GMDS: variants seen among roughly 807,000 people sequenced by gnomAD.
The protein encoded by GMDS is GDP-mannose 4,6-dehydratase, also known as GDP-mannose 4,6 dehydratase.
GMDS carries 20 observed loss-of-function variants against 49.9 expected under a neutral mutation model. The ratio of observed to expected loss-of-function variants is 0.40; its 90% CI spans 0.28 to 0.58. The LOEUF (loss-of-function observed/expected upper bound fraction) is 0.58. Among genes scored for constraint, GMDS ranks in the 20% least tolerant of loss-of-function variants. The pLI is 0.42. For missense variants in GMDS, 362 were observed against 481.4 expected (o/e 0.75, Z 2.32); for synonymous variants, 177 against 178.6 (o/e 0.99, Z 0.07).
At chr6:1,960,240 T>TC (rs1258997725) in intron 5 of GMDS, among the ~76,000 whole-genome samples, 1 of 152,216 alleles carries the variant, frequency 6.6e-6, no homozygotes, top group African/African-American at 2.4e-5. Context: ...TTTTTCTCTC[T>TC]CATTCTCTCT....
chr6:1,929,331 C>T (rs1473407771), intron 7 of GMDS, among the ~76,000 whole-genome samples: 2 of 152,222 alleles, frequency 1.3e-5, no homozygotes, highest in Non-Finnish European at 2.9e-5. Context: ...AGGGAAAGGA[C>T]AATGTCTCTA....
intron 1 of GMDS, among the ~76,000 whole-genome samples, chr6:2,209,777 G>A (rs1010712661): frequency 1.3e-5 from 2 of 152,020 alleles, no homozygotes; most frequent in African/African-American, 2.4e-5. Flanking sequence ...ATCTATCTTC[G>A]GGGTTCTAAT....
intron 7 of GMDS, among the ~76,000 whole-genome samples, chr6:1,879,990 G>A (rs188298261): frequency 6.6e-6 from 1 of 152,140 alleles, no homozygotes; most frequent in African/African-American, 2.4e-5. Context: ...ACAATAAACT[G>A]ATTTTATTAT....
intron 7 of GMDS, among the ~76,000 whole-genome samples, chr6:1,889,146 G>C (rs1294209436): frequency 6.6e-6 from 1 of 152,172 alleles, no homozygotes; most frequent in Non-Finnish European, 1.5e-5. Flanking sequence ...GGCTGACTAT[G>C]CTACTTTCCT....
chr6:1,683,878 A>G lies in GMDS; in HGVS notation c.987+42538T>C, dbSNP rs570364975. Among the ~76,000 whole-genome samples the G allele has an allele frequency of 1.9e-3, 286 of 152,284 alleles. 1 individual carries two copies. The highest frequency in any genetic ancestry group is 3.5e-3 in the South Asian group (17 of 4,828). ...GTTTTTCTAAGTTGAGGCATAACACATTTTATACTGTAATAGAAAGAGGGT... is the reference window on the plus strand; with the variant it reads ...GTTTTTCTAAGTTGAGGCATAACACGTTTTATACTGTAATAGAAAGAGGGT... On this transcript the variant is annotated intron_variant, in intron 9 of 10. Coordinates refer to ENST00000380815, the MANE Select transcript of GMDS (RefSeq NM_001500.4).
intron 4 of GMDS, among the ~76,000 whole-genome samples, chr6:1,979,765 TA>T (rs1260433478): frequency 6.6e-6 from 1 of 151,530 alleles, no homozygotes; most frequent in African/African-American, 2.4e-5. Flanking sequence ...AAGGTCGAAA[TA>T]AAAGAAAAAA....
At chr6:2,131,567 T>C (rs148161823) in intron 1 of GMDS, among the ~76,000 whole-genome samples, 1,610 of 152,262 alleles carry the variant, frequency 0.011, 13 homozygotes, top group South Asian at 0.018. Context: ...CCATAATACA[T>C]TGAAGATACT....
At chr6:2,147,031 T>C (rs1486158812) in intron 1 of GMDS, among the ~76,000 whole-genome samples, 1 of 152,182 alleles carries the variant, frequency 6.6e-6, no homozygotes, top group Non-Finnish European at 1.5e-5. Context: ...ATAGATCTGG[T>C]ACACCATTAA....
intron 7 of GMDS, among the ~76,000 whole-genome samples, chr6:1,785,775 C>T (rs1268729867): frequency 6.6e-6 from 1 of 152,180 alleles, no homozygotes; most frequent in East Asian, 1.9e-4. Context: ...CCAATGTGGT[C>T]GTATTTAGAG....
intron 9 of GMDS, among the ~76,000 whole-genome samples, chr6:1,641,075 G>A (rs1421279450): frequency 1.3e-5 from 2 of 152,198 alleles, no homozygotes; most frequent in African/African-American, 4.8e-5. Context: ...TTCTTCCTCT[G>A]GGTGCTCATT....
intron 6 of GMDS, among the ~76,000 whole-genome samples, chr6:1,936,462 G>A (rs1008902285): frequency 1.3e-5 from 2 of 152,150 alleles, no homozygotes; most frequent in African/African-American, 2.4e-5. Flanking sequence ...CTCCTCTGTG[G>A]CCACAAGGCA....
At chr6:1,871,839 G>A (rs1758773592) in intron 7 of GMDS, among the ~76,000 whole-genome samples, 1 of 152,192 alleles carries the variant, frequency 6.6e-6, no homozygotes, top group African/African-American at 2.4e-5. Context: ...TAACAGCACG[G>A]CAAGTTACTT....
intron 7 of GMDS, among the ~76,000 whole-genome samples, chr6:1,768,210 G>A (rs1298266910): frequency 6.6e-6 from 1 of 151,946 alleles, no homozygotes; most frequent in Admixed American, 6.6e-5. Context: ...TGTAAACAGG[G>A]GAATATCTAA....
intron 4 of GMDS, among the ~76,000 whole-genome samples, chr6:2,023,787 C>G (rs1768417012): frequency 6.6e-6 from 1 of 152,006 alleles, no homozygotes; most frequent in African/African-American, 2.4e-5. Flanking sequence ...ATCCAAAATG[C>G]TGCACAAAAA....
intron 7 of GMDS, among the ~76,000 whole-genome samples, chr6:1,853,103 G>T (rs1294342496): frequency 6.6e-6 from 1 of 152,100 alleles, no homozygotes; most frequent in Non-Finnish European, 1.5e-5. Context: ...CTTGCTAGGA[G>T]AATTTTTTCC....
At chr6:2,174,963 T>C (rs1392393192) in intron 1 of GMDS, among the ~76,000 whole-genome samples, 1 of 152,134 alleles carries the variant, frequency 6.6e-6, no homozygotes, top group Non-Finnish European at 1.5e-5. Context: ...CTTCAGGACT[T>C]GGGGCCAGGT....
intron 6 of GMDS, chr6:1,930,458 A>C: frequency 2.5e-6 from 1 of 398,232 alleles, no homozygotes; most frequent in Non-Finnish European, 4.4e-6. Flanking sequence ...TTCAGAACAA[A>C]CGTTTTTCTT....
intron 6 of GMDS, among the ~76,000 whole-genome samples, chr6:1,944,333 C>T (rs1168803402): frequency 2.0e-5 from 3 of 152,068 alleles, no homozygotes; most frequent in Non-Finnish European, 2.9e-5. Context: ...AGTGAAACCC[C>T]GTCTCTACTA....
At chr6:2,103,360 C>T (rs940693410) in intron 4 of GMDS, among the ~76,000 whole-genome samples, 1 of 152,034 alleles carries the variant, frequency 6.6e-6, no homozygotes, top group African/African-American at 2.4e-5. Context: ...TCAGAAATAA[C>T]GTTGCTGTCA....
Sources: allele counts gnomAD v4.1 joint callset (sites outside exome capture counted in the v4.1 genomes callset), GRCh38; gene constraint gnomAD v4.1.1; transcripts MANE v1.5; gene names NCBI Gene and HGNC (gene_info 2026-07-23, HGNC 2026-07-21).